The following UGT2B17 variants were observed in gnomAD, a reference collection of about 807,000 sequenced individuals.
UGT2B17 encodes the protein UDP-glucuronosyltransferase 2B17.
A neutral mutation model predicts 48.2 loss-of-function variants in UGT2B17; 21 were observed. The observed-to-expected ratio is 0.44, with a 90% CI of 0.31 to 0.63. The LOEUF is 0.63. Among genes scored for constraint, UGT2B17 ranks in the 20% least tolerant of loss-of-function variants. UGT2B17 has a pLI of 0.08. For synonymous variants in UGT2B17, 146 were observed against 238.4 expected (o/e 0.61, Z 3.57); for missense variants, 402 against 696.1 (o/e 0.58, Z 4.75).
At position 68,541,702 on chromosome 4, in the gene UGT2B17, G is replaced by A. The variant is rs1205262482; in HGVS notation, c.1314-3798C>T. 3.2e-5 allele frequency among the ~76,000 whole-genome samples: 4 copies of A among 126,396 alleles called. 2 individuals are homozygous for A. The highest frequency in any genetic ancestry group is 1.1e-4 in the African/African-American group (4 of 37,006). 82.9% of individuals were successfully genotyped at this position (126,396 alleles called of 152,430 possible). A position where few individuals can be genotyped will look rare whatever the true frequency, so the allele number is the denominator to read the frequency against. ...TATTGTAATTGCTTTTGGTGTTTGT[G>A]TCATGAAATTTTTGCCCACGCCTAT... On this transcript the variant is annotated intron_variant, in intron 6 of 6. Coordinates refer to ENST00000317746, the MANE Select transcript of UGT2B17 (RefSeq NM_001077.4).
At chr4:68,575,606 A>C (rs1731361531) in intron 1 of UGT2B17, among the ~76,000 whole-genome samples, 3 of 125,898 alleles carry the variant, frequency 2.4e-5, no homozygotes, top group African/African-American at 8.2e-5. Context: ...CAAAACAAAG[A>C]ACGGGTAAAA....
In UGT2B17 at chr4:68,543,332, C is replaced by T. The variant is rs1326905791; in HGVS notation, c.1314-5428G>A. 3.2e-5 allele frequency among the ~76,000 whole-genome samples: 4 copies of T among 126,026 alleles called. 1 individual carries two copies. The highest frequency in any genetic ancestry group is 6.7e-5 in the Non-Finnish European group (4 of 59,548). 82.7% of individuals were successfully genotyped at this position (126,026 alleles called of 152,430 possible). On this transcript the variant is annotated intron_variant, in intron 6 of 6. Transcript: ENST00000317746. Reference sequence around the variant, plus strand: ...CTGATACCCAGGCAAACAGGATCTGCAGTGGACCTCCAGCAAACTCGAACA... The same window carrying T: ...CTGATACCCAGGCAAACAGGATCTGTAGTGGACCTCCAGCAAACTCGAACA...
rs1269569828 is a variant in UGT2B17 at position 68,574,674 on chromosome 4, C to T, written c.-65+1277G>A. On this transcript the variant is annotated intron_variant, in intron 1 of 6. Transcript: ENST00000317746. ...CATTCTTATGCCTCCTTATAATCTTCTCATTAAAGTTATATTTTACTTTTT... is the reference window on the plus strand; with the variant it reads ...CATTCTTATGCCTCCTTATAATCTTTTCATTAAAGTTATATTTTACTTTTT... Among the ~76,000 whole-genome samples, 13 of 126,566 alleles carry T rather than the reference C, an allele frequency of 1.0e-4. 4 individuals carry two copies. In the South Asian group the frequency reaches 1.7e-3, roughly 17 times the overall value. The allele number at this position is 126,566 out of a possible 152,430, so 83.0% of individuals were successfully genotyped here.
At chr4:68,559,008 A>G (rs1731054985) in intron 4 of UGT2B17, among the ~76,000 whole-genome samples, 1 of 126,194 alleles carries the variant, frequency 7.9e-6, no homozygotes, top group African/African-American at 2.7e-5. Flanking sequence ...ATATTCAAAT[A>G]TATAAGAATT....
intron 6 of UGT2B17, among the ~76,000 whole-genome samples, chr4:68,544,806 T>C (rs1241913607): frequency 8.0e-6 from 1 of 125,392 alleles, no homozygotes; most frequent in Admixed American, 8.2e-5. Flanking sequence ...TAGTCTCTGA[T>C]AAAACAGACT....
rs1272131174 is a variant in UGT2B17 at position 68,572,071 on chromosome 4, CT to C, written c.-64-3524del. On this transcript the variant is annotated intron_variant, in intron 1 of 6. Coordinates refer to ENST00000317746, the MANE Select transcript of UGT2B17 (RefSeq NM_001077.4). ...TTTCCTTTTTGGAGTCAAACACGAT[CT>C]TTTTTATTTTCCTTTTAAGTAGTCT... Among the ~76,000 whole-genome samples, 17 of 125,908 alleles carry C rather than the reference CT, an allele frequency of 1.4e-4. 3 individuals are homozygous for C. In the Admixed American group the frequency reaches 1.4e-3, roughly 10 times the overall value. The allele number at this position is 125,908 out of a possible 152,430, so 82.6% of individuals were successfully genotyped here.
rs193052610 is a variant in UGT2B17, at chr4:68,571,166, G to A, written c.-64-2618C>T. On this transcript the variant is annotated intron_variant, in intron 1 of 6. Transcript: ENST00000317746. The stretch of plus-strand genomic sequence containing the variant: ...TCATGAGCCATCTTGTGCCTAAGTG[G>A]CGGGTCCATAGTATTGTATGATTTT... Among the ~76,000 whole-genome samples the A allele has an allele frequency of 8.2e-3, 1,025 of 125,394 alleles. 257 individuals are homozygous for A. Among genetic ancestry groups the A allele is most frequent in the Non-Finnish European group, 9.0e-3 (531 of 59,296 alleles). The allele number at this position is 125,394 out of a possible 152,430, so 82.3% of individuals were successfully genotyped here. A position where few individuals can be genotyped will look rare whatever the true frequency, so the allele number is the denominator to read the frequency against.
In UGT2B17 at chr4:68,564,294, A is replaced by ATATT. The variant is rs1366181355; in HGVS notation, c.873+1277_873+1278insAATA. Among the ~76,000 whole-genome samples the ATATT allele has an allele frequency of 9.4e-4, 71 of 75,750 alleles. 8 individuals carry two copies. The highest frequency in any genetic ancestry group is 2.4e-3 in the African/African-American group (47 of 19,702). The allele number at this position is 75,750 out of a possible 152,430, so 49.7% of individuals were successfully genotyped here. ...ATTTCATATATATATATATATATAT[A>ATATT]TTTTTTTTTTTTGAGACAGAGTCTC... On this transcript the variant is annotated intron_variant, in intron 3 of 6. Coordinates refer to ENST00000317746, the MANE Select transcript of UGT2B17 (RefSeq NM_001077.4).
chr4:68,566,028 TTAA>T (rs1434371550), intron 2 of UGT2B17, among the ~76,000 whole-genome samples: 1 of 118,684 alleles, frequency 8.4e-6, no homozygotes, highest in African/African-American at 2.8e-5. Flanking sequence ...TTAATAAAGT[TTAA>T]TATTTAATAT....
intron 6 of UGT2B17, among the ~76,000 whole-genome samples, chr4:68,543,949 CA>C (rs1304135814): frequency 3.2e-5 from 4 of 125,854 alleles, no homozygotes; most frequent in African/African-American, 1.1e-4. Flanking sequence ...ACCAAATCTA[CA>C]TCTGATTGGT....
At chr4:68,564,737 GT>G (rs1731167959) in intron 3 of UGT2B17, among the ~76,000 whole-genome samples, 1 of 125,148 alleles carries the variant, frequency 8.0e-6, no homozygotes, top group South Asian at 3.7e-4. Flanking sequence ...GTCTCACTCC[GT>G]CGCACAGGCT....
rs528415302 is a variant in UGT2B17 at position 68,564,531 on chromosome 4, C to T, written c.873+1041G>A. On this transcript the variant is annotated intron_variant, in intron 3 of 6. Coordinates refer to ENST00000317746, the MANE Select transcript of UGT2B17 (RefSeq NM_001077.4). ...CTCAAACTCCTGACCTCAGGCGATCCGCCTGCCTCGGCCTCCCAAAGTGCT... is the reference window on the plus strand; with the variant it reads ...CTCAAACTCCTGACCTCAGGCGATCTGCCTGCCTCGGCCTCCCAAAGTGCT... 5.3e-4 allele frequency among the ~76,000 whole-genome samples: 65 copies of T among 122,638 alleles called. 10 individuals are homozygous for T. Among genetic ancestry groups the T allele is most frequent in the African/African-American group, 1.5e-3 (55 of 35,806 alleles). 80.5% of individuals were successfully genotyped at this position (122,638 alleles called of 152,430 possible).
rs1730895462 is a variant in UGT2B17, at chr4:68,550,565, A to C, written c.1313+112T>G. 7.2e-6 allele frequency: 6 copies of C among 833,592 alleles called. 1 individual carries two copies. The highest frequency in any genetic ancestry group is 8.1e-6 in the Non-Finnish European group (5 of 615,408). 51.6% of individuals were successfully genotyped at this position (833,592 alleles called of 1,614,324 possible). On this transcript the variant is annotated intron_variant, in intron 6 of 6. Transcript: ENST00000317746. ...AATAAGAGCAGATTTTACATTGGTTAAATCACTTCAATCCCTTCAAAATTA... is the reference window on the plus strand; with the variant it reads ...AATAAGAGCAGATTTTACATTGGTTCAATCACTTCAATCCCTTCAAAATTA...
chr4:68,559,947 G>C (rs949702201), intron 4 of UGT2B17, among the ~76,000 whole-genome samples: 4 of 126,848 alleles, frequency 3.2e-5, no homozygotes, highest in African/African-American at 1.1e-4. Flanking sequence ...AAATCTACTT[G>C]GCTAGGTGGG....
chr4:68,548,471 T>C lies in UGT2B17; in HGVS notation c.1313+2206A>G, dbSNP rs1174681034. 2.4e-5 allele frequency among the ~76,000 whole-genome samples: 3 copies of C among 124,822 alleles called. 1 individual carries two copies. The highest frequency in any genetic ancestry group is 5.1e-5 in the Non-Finnish European group (3 of 59,232). 81.9% of individuals were successfully genotyped at this position (124,822 alleles called of 152,430 possible). A position where few individuals can be genotyped will look rare whatever the true frequency, so the allele number is the denominator to read the frequency against. ...GGATAGCATTAGGAGATACACTTAA[T>C]GTTAAATGACGAGTTAATGGGTGCA... On this transcript the variant is annotated intron_variant, in intron 6 of 6. Coordinates refer to ENST00000317746, the MANE Select transcript of UGT2B17 (RefSeq NM_001077.4).
Position 68,568,199 on chromosome 4 carries a change from T to C in UGT2B17, c.286A>G (p.Arg96Gly). ...TTTTTTGAAATACTATATGTCCATC[T>C]ATCGAACATTTTCATAAAAAAATCT... ...LEDFFMKMFD[R>G]WTYSISKNTF... Residue 96 changes from arginine to glycine, a missense_variant, in exon 2 of 7, where the codon AGA becomes GGA. Arg to Gly is a moderately radical substitution (Grantham distance 125). This residue lies in a region of UGT2B17 where 84 missense variants were observed against 92.6 expected (regional missense o/e 0.91). Transcript: ENST00000317746. The C allele has an allele frequency of 7.3e-7, 1 of 1,374,452 alleles. No individual in the cohort carries two copies. Among genetic ancestry groups the C allele is most frequent in the Non-Finnish European group, 9.5e-7 (1 of 1,052,650 alleles). The allele number at this position is 1,374,452 out of a possible 1,614,324, so 85.1% of individuals were successfully genotyped here.
Position 68,546,949 on chromosome 4 carries a change from G to C in UGT2B17, c.1313+3728C>G, listed in dbSNP as rs557247805. On this transcript the variant is annotated intron_variant, in intron 6 of 6. Coordinates refer to ENST00000317746, the MANE Select transcript of UGT2B17 (RefSeq NM_001077.4). Reference sequence around the variant, plus strand: ...AGAGGAAACAAACCAATGGAAGAACGTTCCATGCTCATGGGTAGGAAGAAT... The same window carrying C: ...AGAGGAAACAAACCAATGGAAGAACCTTCCATGCTCATGGGTAGGAAGAAT... Among the ~76,000 whole-genome samples, 45 of 125,556 alleles carry C rather than the reference G, an allele frequency of 3.6e-4. 11 individuals carry two copies. The highest frequency in any genetic ancestry group is 6.6e-4 in the Non-Finnish European group (39 of 59,308). 82.4% of individuals were successfully genotyped at this position (125,556 alleles called of 152,430 possible). A position where few individuals can be genotyped will look rare whatever the true frequency, so the allele number is the denominator to read the frequency against.
In UGT2B17 at chr4:68,550,589, T is replaced by A. The variant is rs1730895681; in HGVS notation, c.1313+88A>T. ...TAAATCACTTCAATCCCTTCAAAAT[T>A]AGTCTCTTAACAAAGGGTTCAAACT... On this transcript the variant is annotated intron_variant, in intron 6 of 6. Transcript: ENST00000317746. 3.9e-5 allele frequency: 39 copies of A among 1,002,500 alleles called. 5 individuals are homozygous for A. Among genetic ancestry groups the A allele is most frequent in the Non-Finnish European group, 5.1e-5 (38 of 750,442 alleles). The allele number at this position is 1,002,500 out of a possible 1,614,324, so 62.1% of individuals were successfully genotyped here. A position where few individuals can be genotyped will look rare whatever the true frequency, so the allele number is the denominator to read the frequency against.
chr4:68,537,849 G>C lies in UGT2B17; in HGVS notation c.1369C>G (p.Pro457Ala). The C allele has an allele frequency of 7.3e-7, 1 of 1,377,170 alleles. No individual in the cohort carries two copies. Among genetic ancestry groups the C allele is most frequent in the Non-Finnish European group, 9.5e-7 (1 of 1,053,762 alleles). 85.3% of individuals were successfully genotyped at this position (1,377,170 alleles called of 1,614,324 possible). The change falls in exon 7 of 7, where the codon CCC becomes GCC. Residue 457 changes from proline (P) to alanine (A), a missense_variant. Coordinates refer to ENST00000317746, the MANE Select transcript of UGT2B17 (RefSeq NM_001077.4). ...ATCCAGAAGACTGCTCGATCCAGGGGCTTCACCGGTTGATCATGATGAATT... is the reference window on the plus strand; with the variant it reads ...ATCCAGAAGACTGCTCGATCCAGGGCCTTCACCGGTTGATCATGATGAATT... The part of the protein sequence containing the change: ...SRIHHDQPVK[P>A]LDRAVFWIEF...
Sources: allele counts gnomAD v4.1 joint callset (sites outside exome capture counted in the v4.1 genomes callset), GRCh38; gene constraint gnomAD v4.1.1; regional missense constraint gnomAD v4.1.1; transcripts MANE v1.5; gene names NCBI Gene and HGNC (gene_info 2026-07-23, HGNC 2026-07-21).